The following RIMS1 variants were observed in gnomAD, a reference collection of about 807,000 sequenced individuals.
The protein encoded by RIMS1 is regulating synaptic membrane exocytosis 1, also known as regulating synaptic membrane exocytosis protein 1.
In RIMS1, 83 loss-of-function variants were observed where a neutral mutation model predicts 214.1. The observed-to-expected ratio is 0.39, with a 90% CI of 0.32 to 0.47. The LOEUF (loss-of-function observed/expected upper bound fraction) is 0.47. RIMS1 is among the 20% of genes least tolerant of loss of function. RIMS1 has a pLI of 0.99. For missense variants in RIMS1, 2,050 were observed against 2,161.8 expected (o/e 0.95, Z 1.03); for synonymous variants, 793 against 786.8 (o/e 1.01, Z -0.13).
rs138754162 is a variant in RIMS1, at chr6:72,057,678, T to C, written c.246-39271T>C. Among the ~76,000 whole-genome samples, 472 of 152,094 alleles carry C rather than the reference T, an allele frequency of 3.1e-3. 2 individuals carry two copies. Among genetic ancestry groups the C allele is most frequent in the Middle Eastern group, 0.01 (3 of 294 alleles). On this transcript the variant is annotated intron_variant, in intron 2 of 33. Coordinates refer to ENST00000521978, the MANE Select transcript of RIMS1 (RefSeq NM_014989.7). ...GCCCGCCACCACTACTAGCTAATTTTTTGTATTTTCAGTAGAGACAGGGTT... is the reference window on the plus strand; with the variant it reads ...GCCCGCCACCACTACTAGCTAATTTCTTGTATTTTCAGTAGAGACAGGGTT...
intron 4 of RIMS1, among the ~76,000 whole-genome samples, chr6:72,167,451 G>C (rs1240532354): frequency 6.6e-6 from 1 of 152,066 alleles, no homozygotes; most frequent in Non-Finnish European, 1.5e-5. Context: ...GATAAAGTGA[G>C]TTCAGAAGCG....
intron 29 of RIMS1, among the ~76,000 whole-genome samples, chr6:72,341,482 T>G (rs2154356101): frequency 6.6e-6 from 1 of 151,934 alleles, no homozygotes; most frequent in East Asian, 1.9e-4. Context: ...CTTTTAAATT[T>G]TATGAAGAAG....
At chr6:72,325,214 T>C (rs951040462) in intron 28 of RIMS1, among the ~76,000 whole-genome samples, 39 of 151,638 alleles carry the variant, frequency 2.6e-4, no homozygotes, top group Non-Finnish European at 4.0e-4. Context: ...ATAGAAAAAA[T>C]AGGACAAAAT....
chr6:72,264,868 G>A (rs2079701985), intron 19 of RIMS1, 107 bp from the exon 20 acceptor site: 1 of 621,514 alleles, frequency 1.6e-6, no homozygotes, highest in Admixed American at 3.7e-5. Flanking sequence ...AATGACCAAA[G>A]ATTTATCTAT....
intron 22 of RIMS1, chr6:72,266,311 T>C (rs2080506531): frequency 2.0e-6 from 1 of 496,588 alleles, no homozygotes; most frequent in Non-Finnish European, 3.7e-6. Flanking sequence ...GGCTGCTGCT[T>C]TTCCCCTTTT....
intron 16 of RIMS1, among the ~76,000 whole-genome samples, 170 bp from the exon 17 acceptor site, chr6:72,257,955 C>T (rs1036631862): frequency 6.6e-6 from 1 of 152,134 alleles, no homozygotes; most frequent in African/African-American, 2.4e-5. Flanking sequence ...ATATGTTACA[C>T]TCTGTGTAGG....
chr6:72,223,131 G>A (rs779068460), intron 6 of RIMS1, among the ~76,000 whole-genome samples: 6 of 152,190 alleles, frequency 3.9e-5, no homozygotes, highest in Admixed American at 3.3e-4. Context: ...AAAGTTATGA[G>A]CGAGGTGCTG....
intron 23 of RIMS1, among the ~76,000 whole-genome samples, chr6:72,282,979 A>G (rs2090892150): frequency 6.6e-6 from 1 of 152,104 alleles, no homozygotes; most frequent in Admixed American, 6.6e-5. Flanking sequence ...GAGCAGTCCC[A>G]GAACTCTGTA....
At chr6:72,011,450 A>G (rs1469588985) in intron 2 of RIMS1, among the ~76,000 whole-genome samples, 1 of 152,218 alleles carries the variant, frequency 6.6e-6, no homozygotes, top group Admixed American at 6.5e-5. Context: ...CACCAAAAGC[A>G]ATGACAACAA....
chr6:72,213,492 A>G (rs2054309634), intron 6 of RIMS1, among the ~76,000 whole-genome samples: 1 of 152,208 alleles, frequency 6.6e-6, no homozygotes, highest in African/African-American at 2.4e-5. Context: ...TAATAGCCAC[A>G]TCAAGGGAGA....
chr6:72,149,732 T>G (rs2043256461), intron 4 of RIMS1, among the ~76,000 whole-genome samples: 1 of 152,224 alleles, frequency 6.6e-6, no homozygotes, highest in Admixed American at 6.5e-5. Context: ...CTAGAAATGA[T>G]GCAGGATTTT....
At chr6:71,934,800 C>T (rs1784014572) in intron 1 of RIMS1, among the ~76,000 whole-genome samples, 1 of 152,100 alleles carries the variant, frequency 6.6e-6, no homozygotes, top group Admixed American at 6.5e-5. Context: ...CTGAAGCACA[C>T]CTGTGCGATT....
intron 1 of RIMS1, among the ~76,000 whole-genome samples, chr6:71,909,083 G>A (rs929286687): frequency 1.3e-5 from 2 of 152,084 alleles, no homozygotes; most frequent in African/African-American, 2.4e-5. Context: ...TCTGCCTTCC[G>A]GGTTGAAGGG....
chr6:72,295,748 T>A (rs2094004012), intron 26 of RIMS1, among the ~76,000 whole-genome samples: 1 of 151,852 alleles, frequency 6.6e-6, no homozygotes, highest in Non-Finnish European at 1.5e-5. Context: ...GTATTCATTC[T>A]TTCTTTGATT....
chr6:72,335,723 C>G (rs2096821574), intron 29 of RIMS1, among the ~76,000 whole-genome samples: 2 of 152,118 alleles, frequency 1.3e-5, no homozygotes, highest in South Asian at 4.1e-4. Context: ...TCCACATCCT[C>G]TCAAGCATCT....
At position 72,389,204 on chromosome 6, in the gene RIMS1, G is replaced by A. The variant is rs188602566; in HGVS notation, c.4367-1394G>A. ...GGAGAATGTGGATCACAGTAGCCAAGTGAAGAAGCTTGTATAGGTATAAAG... is the reference window on the plus strand; with the variant it reads ...GGAGAATGTGGATCACAGTAGCCAAATGAAGAAGCTTGTATAGGTATAAAG... On this transcript the variant is annotated intron_variant, in intron 29 of 33. Transcript: ENST00000521978. 4.6e-5 allele frequency among the ~76,000 whole-genome samples: 7 copies of A among 152,314 alleles called. No homozygotes were observed. In the East Asian group the frequency reaches 1.4e-3, roughly 29 times the overall value.
At chr6:72,300,853 A>G (rs899193644) in intron 26 of RIMS1, among the ~76,000 whole-genome samples, 11 of 151,696 alleles carry the variant, frequency 7.3e-5, no homozygotes, top group Admixed American at 2.0e-4. Flanking sequence ...AGATAGTTCA[A>G]TGGGAATAGG....
At chr6:72,211,568 T>A (rs1351196951) in intron 6 of RIMS1, among the ~76,000 whole-genome samples, 1 of 152,162 alleles carries the variant, frequency 6.6e-6, no homozygotes, top group African/African-American at 2.4e-5. Flanking sequence ...ATTTTTCATA[T>A]AGTACTTCAG....
At chr6:72,093,453 G>GT (rs943936707) in intron 2 of RIMS1, among the ~76,000 whole-genome samples, 10 of 151,552 alleles carry the variant, frequency 6.6e-5, no homozygotes, top group Admixed American at 2.0e-4. Context: ...ACCAGTTTTT[G>GT]TTTTTTTGCT....
Sources: gnomAD v4.1 joint callset for allele counts (sites outside exome capture counted in the v4.1 genomes callset) on GRCh38, gnomAD v4.1.1 for gene constraint, MANE v1.5 for transcripts, NCBI Gene and HGNC (gene_info 2026-07-23, HGNC 2026-07-21) for gene names.